Variants in AKAP9 observed in about 807,000 individuals in gnomAD.
AKAP9 encodes A-kinase anchoring protein 9, also known as A-kinase anchor protein 9.
Under a neutral mutation model 488.5 loss-of-function variants are expected in AKAP9, and 311 were observed. The observed-to-expected ratio is 0.64, with a 90% confidence interval of 0.58 to 0.70. The LOEUF (loss-of-function observed/expected upper bound fraction) is 0.70, where lower values mean the gene tolerates loss of function less well. Among genes scored for constraint, AKAP9 ranks in the 30% least tolerant of loss-of-function variants. AKAP9 has a pLI of 0.00. For synonymous variants in AKAP9, 1,462 were observed against 1,483.5 expected (o/e 0.99, Z 0.33); for missense variants, 4,215 against 4,374.5 (o/e 0.96, Z 1.03).
intron 3 of AKAP9, among the ~76,000 whole-genome samples, chr7:91,982,085 A>C (rs561200803): frequency 6.6e-6 from 1 of 152,178 alleles, no homozygotes; most frequent in South Asian, 2.1e-4. Context: ...TTTGGTTACA[A>C]TTTGTATAGC....
In AKAP9 at chr7:92,103,155, C is replaced by A. The variant is rs1817874713; in HGVS notation, c.11330+329C>A. On this transcript the variant is annotated intron_variant, in intron 46 of 49. Transcript: ENST00000356239. ...CCTGTAATCCCAGCACTTTGGGAGG[C>A]CAAGGCAGGCGAATCACAAGGTCAG... 2.0e-5 allele frequency among the ~76,000 whole-genome samples: 3 copies of A among 151,968 alleles called. No homozygotes were observed. In the South Asian group the frequency reaches 6.2e-4, roughly 32 times the overall value.
intron 39 of AKAP9, 152 bp downstream of exon 39, chr7:92,093,468 A>G (rs1815997897): frequency 4.3e-6 from 3 of 698,134 alleles, no homozygotes; most frequent in Non-Finnish European, 4.9e-6. Context: ...AAAAAACTCT[A>G]AATGTTTCCA....
chr7:92,105,507 T>C (rs1331721455), intron 46 of AKAP9, among the ~76,000 whole-genome samples, 171 bp from the exon 47 acceptor site: 2 of 152,200 alleles, frequency 1.3e-5, no homozygotes, highest in African/African-American at 4.8e-5. Flanking sequence ...GTCCCTATTC[T>C]TCCGTTCCAG....
intron 26 of AKAP9, among the ~76,000 whole-genome samples, chr7:92,066,981 A>G (rs1347324864): frequency 6.6e-6 from 1 of 152,176 alleles, no homozygotes; most frequent in Non-Finnish European, 1.5e-5. Flanking sequence ...GGCTATGGCT[A>G]ATATCCAACT....
At chr7:92,099,657 A>T (rs1415806181) in intron 43 of AKAP9, 30 bp from the exon 44 acceptor site, 1 of 1,610,054 alleles carries the variant, frequency 6.2e-7, no homozygotes, top group Non-Finnish European at 8.5e-7. Context: ...ATTTGTGCTT[A>T]AGTGACCTTA....
chr7:92,078,153 C>T (rs1398106288), intron 30 of AKAP9, among the ~76,000 whole-genome samples: 3 of 152,012 alleles, frequency 2.0e-5, no homozygotes, highest in African/African-American at 7.2e-5. Context: ...CCCACCATCA[C>T]ACCTGGCTAA....
intron 16 of AKAP9, among the ~76,000 whole-genome samples, chr7:92,033,253 A>AG (rs905151567): frequency 1.3e-5 from 2 of 152,070 alleles, no homozygotes; most frequent in Non-Finnish European, 2.9e-5. Flanking sequence ...AGTATTTAAA[A>AG]AAAAAAGACT....
At chr7:91,975,498 TTTTTG>T (rs527353692) in intron 2 of AKAP9, among the ~76,000 whole-genome samples, 6 of 152,308 alleles carry the variant, frequency 3.9e-5, no homozygotes, top group South Asian at 4.1e-4. Flanking sequence ...TCTAATAGGT[TTTTTG>T]TTTTGTTTTG....
At chr7:92,068,587 T>C (rs969406443) in intron 26 of AKAP9, among the ~76,000 whole-genome samples, 54 of 151,976 alleles carry the variant, frequency 3.6e-4, no homozygotes, top group African/African-American at 1.2e-3. Context: ...CTAACAAAGA[T>C]GTGCATGTTT....
Position 91,971,163 on chromosome 7 carries a change from T to G in AKAP9, c.49-2548T>G, listed in dbSNP as rs536304581. 5.3e-5 allele frequency among the ~76,000 whole-genome samples: 8 copies of G among 152,280 alleles called. No homozygotes were observed. The South Asian group carries it at 1.7e-3, about 32-fold the overall frequency. ...AATTTTCTGTGTCTTCTAGGTGATC[T>G]TTGTTCCTTTTCATTCTTTCCTTTT... On this transcript the variant is annotated intron_variant, in intron 1 of 49. Coordinates refer to ENST00000356239, the MANE Select transcript of AKAP9 (RefSeq NM_005751.5).
intron 22 of AKAP9, among the ~76,000 whole-genome samples, chr7:92,055,687 T>C (rs1808680825): frequency 6.6e-6 from 1 of 152,014 alleles, no homozygotes; most frequent in Non-Finnish European, 1.5e-5. Context: ...ATTATAACTA[T>C]TTTTGATTGC....
chr7:91,980,528 A>G (rs1248970887), intron 3 of AKAP9, among the ~76,000 whole-genome samples, 195 bp downstream of exon 3: 2 of 30,570 alleles, frequency 6.5e-5, no homozygotes, highest in Non-Finnish European at 1.2e-4. Context: ...TCAGATTATT[A>G]GCTAAGGTCT....
At position 92,097,208 on chromosome 7, in the gene AKAP9, C is replaced by T. The variant is rs146495719; in HGVS notation, c.10249C>T (p.Arg3417Cys). The T allele has an allele frequency of 8.2e-5, 132 of 1,612,622 alleles. No individual in the cohort carries two copies. In the African/African-American group the frequency reaches 1.2e-3, roughly 15 times the overall value. ...ELQSKVEDLQ[R>C]QLEEKRQQVY... ...CCAGTCCAAAGTGGAAGATCTTCAG[C>T]GCCAGCTGGAAGAGAAAAGACAACA... Residue 3417 changes from arginine (R) to cysteine (C), a missense_variant, in exon 41 of 50, where the codon CGC becomes TGC. Transcript: ENST00000356239.
intron 14 of AKAP9, among the ~76,000 whole-genome samples, chr7:92,027,110 A>G (rs1278257700): frequency 2.0e-4 from 24 of 121,474 alleles, no homozygotes; most frequent in Non-Finnish European, 3.1e-4. Flanking sequence ...CCATCTAGGA[A>G]GTGAGGAGCA....
intron 26 of AKAP9, among the ~76,000 whole-genome samples, chr7:92,067,950 A>G (rs1289874140): frequency 1.3e-5 from 2 of 152,234 alleles, no homozygotes; most frequent in Non-Finnish European, 2.9e-5. Context: ...TTTATTTCGA[A>G]TGTAATTTCT....
In AKAP9 at chr7:92,096,856, G is replaced by A. The variant is rs1816672728; in HGVS notation, c.9897G>A (p.Gln3299=). The A allele has an allele frequency of 6.2e-7, 1 of 1,614,052 alleles. No individual in the cohort carries two copies. The highest frequency in any genetic ancestry group is 8.5e-7 in the Non-Finnish European group (1 of 1,180,050). ...SEEQGRNLEL[Q]VLLESEKVRI... is the part of the protein sequence containing the mutation. ...AACAAGGTCGAAACTTAGAGCTTCA[G>A]GTACTTCTTGAATCTGAGAAAGTTC... Residue 3299 remains glutamine, a synonymous_variant, in exon 41 of 50, where the codon CAG becomes CAA. Transcript: ENST00000356239.
intron 35 of AKAP9, among the ~76,000 whole-genome samples, 189 bp downstream of exon 35, chr7:92,085,129 A>G (rs558951844): frequency 6.6e-6 from 1 of 152,352 alleles, no homozygotes; most frequent in African/African-American, 2.4e-5. Context: ...GATAATATGT[A>G]TGAAGACTTT....
chr7:92,082,785 T>G, intron 32 of AKAP9, 123 bp downstream of exon 32: 1 of 1,166,502 alleles, frequency 8.6e-7, no homozygotes, highest in Non-Finnish European at 1.2e-6. Flanking sequence ...AAGTATTTTG[T>G]GGATTTGATG....
At chr7:91,988,337 G>GTGTGTGCC (rs1323081559) in intron 3 of AKAP9, among the ~76,000 whole-genome samples, 2 of 130,482 alleles carry the variant, frequency 1.5e-5, no homozygotes, top group Non-Finnish European at 3.1e-5. Context: ...CTAGGTGATA[G>GTGTGTGCC]TGTGTGCCTG....
Sources: allele counts gnomAD v4.1 joint callset (sites outside exome capture counted in the v4.1 genomes callset), GRCh38; gene constraint gnomAD v4.1.1; transcripts MANE v1.5; gene names NCBI Gene and HGNC (gene_info 2026-07-23, HGNC 2026-07-21).